The following DAB2IP variants were observed in gnomAD, a reference collection of about 807,000 sequenced individuals.
DAB2IP encodes the protein DAB2 interacting protein, also known as disabled homolog 2-interacting protein.
Under a neutral mutation model 107.2 loss-of-function variants are expected in DAB2IP, and 28 were observed. The ratio of observed to expected loss-of-function variants is 0.26; its 90% CI spans 0.19 to 0.36. The LOEUF is 0.36. DAB2IP is among the 10% of genes least tolerant of loss of function. The pLI, the probability that DAB2IP is intolerant of heterozygous loss-of-function variation, is 1.00. For missense variants in DAB2IP, 1,400 were observed against 1,644.7 expected (o/e 0.85, Z 2.57); for synonymous variants, 755 against 706.4 (o/e 1.07, Z -1.09).
chr9:121,590,680 T>C (rs916516654), intron 1 of DAB2IP, among the ~76,000 whole-genome samples: 6 of 152,142 alleles, frequency 3.9e-5, no homozygotes, highest in Non-Finnish European at 8.8e-5. Context: ...TAGACATTTC[T>C]GGCAACAAAC....
intron 3 of DAB2IP, among the ~76,000 whole-genome samples, chr9:121,725,013 G>C (rs1277806084): frequency 6.6e-6 from 1 of 152,190 alleles, no homozygotes; most frequent in Non-Finnish European, 1.5e-5. Flanking sequence ...TCTGAGGAGA[G>C]CACCCCCGGC....
chr9:121,688,546 CT>C (rs1405562981), intron 2 of DAB2IP, among the ~76,000 whole-genome samples: 5 of 152,336 alleles, frequency 3.3e-5, no homozygotes, highest in African/African-American at 1.2e-4. Flanking sequence ...CCCCATCTCT[CT>C]CTGTCTCCAG....
chr9:121,649,074 C>G (rs1309774861), upstream of DAB2IP, among the ~76,000 whole-genome samples: 2 of 152,156 alleles, frequency 1.3e-5, no homozygotes, highest in Admixed American at 1.3e-4. Flanking sequence ...TGGGCTCTTT[C>G]TCTCCTAGCT....
chr9:121,767,319 C>T (rs542735395), intron 9 of DAB2IP, among the ~76,000 whole-genome samples: 4 of 152,344 alleles, frequency 2.6e-5, no homozygotes, highest in South Asian at 4.1e-4. Flanking sequence ...TGGGCTCTGA[C>T]GGCACCAAGA....
chr9:121,601,907 C>CGT (rs1830695697), intron 1 of DAB2IP, among the ~76,000 whole-genome samples: 1 of 146,918 alleles, frequency 6.8e-6, no homozygotes, highest in Admixed American at 6.8e-5. Context: ...TGTGTGTGTG[C>CGT]GCGTGCGTGT....
chr9:121,774,502 G>A lies in DAB2IP; in HGVS notation c.3120+90G>A, dbSNP rs568693194. ...TCTCTCCCCCAGGTCCCCCAGCAAC[G>A]GGTGCTGCTGTCCTTGTGAAGGGCC... On this transcript the variant is annotated intron_variant, in intron 13 of 15. Coordinates refer to ENST00000408936, the Ensembl canonical transcript of DAB2IP. 2.0e-5 allele frequency: 28 copies of A among 1,408,170 alleles called. No homozygotes were observed. In the African/African-American group the frequency reaches 3.5e-4, roughly 17 times the overall value. The allele number at this position is 1,408,170 out of a possible 1,614,324, so 87.2% of individuals were successfully genotyped here.
chr9:121,594,620 A>G (rs925525689), intron 1 of DAB2IP, among the ~76,000 whole-genome samples: 1 of 152,042 alleles, frequency 6.6e-6, no homozygotes, highest in Non-Finnish European at 1.5e-5. Context: ...TCCTTTTGAC[A>G]GTTTGGAATG....
At chr9:121,703,519 C>T (rs531177214) in intron 3 of DAB2IP, among the ~76,000 whole-genome samples, 16 of 152,256 alleles carry the variant, frequency 1.1e-4, no homozygotes, top group African/African-American at 3.4e-4. Context: ...GGGCAAGTCA[C>T]GTAACCTTTT....
Position 121,664,601 on chromosome 9 carries a change from T to C in DAB2IP, c.124+12702T>C, listed in dbSNP as rs538025434. 2.0e-5 allele frequency among the ~76,000 whole-genome samples: 3 copies of C among 152,226 alleles called. No individual in the cohort carries two copies. In the South Asian group the frequency reaches 6.2e-4, roughly 31 times the overall value. On this transcript the variant is annotated intron_variant, in intron 1 of 15. Transcript: ENST00000408936. ...AGTTATTAGTCTCTTATGTGTTAAA[T>C]TTATTAAGTATATTTTGGTGCTCTT...
At chr9:121,643,597 G>C (rs1250480165) in intron 1 of DAB2IP, among the ~76,000 whole-genome samples, 3 of 151,938 alleles carry the variant, frequency 2.0e-5, no homozygotes, top group African/African-American at 7.2e-5. Flanking sequence ...TTCTCATGCT[G>C]TCTCTCCCTC....
chr9:121,632,063 C>T lies in DAB2IP; in HGVS notation c.41-46615C>T, dbSNP rs568293602. ...GGTCCTCGTGGGGAGAGACAGGGGC[C>T]GTCCCAGCCATGGAATGAGGTGGAA... On this transcript the variant is annotated intron_variant, in intron 1 of 16. Coordinates refer to the DAB2IP transcript ENST00000259371. 5.9e-5 allele frequency among the ~76,000 whole-genome samples: 9 copies of T among 152,198 alleles called. No individual in the cohort carries two copies. The East Asian group carries it at 7.8e-4, about 13-fold the overall frequency.
rs924161103 is a variant in DAB2IP at position 121,599,330 on chromosome 9, C to A, written c.40+32102C>A. Among the ~76,000 whole-genome samples, 9 of 152,254 alleles carry A rather than the reference C, an allele frequency of 5.9e-5. No individual in the cohort carries two copies. Among genetic ancestry groups the A allele is most frequent in the Admixed American group, 3.3e-4 (5 of 15,308 alleles). On this transcript the variant is annotated intron_variant, in intron 1 of 16. Coordinates refer to the DAB2IP transcript ENST00000259371. The surrounding 1 kb of genome is among the most constrained non-coding windows in gnomAD (Gnocchi z 6.9). ...CTCGGGCCGGCACCAGGCTGGGGAG[C>A]GTGTGCTCGGAGCGGAGGGCCTCGG...
In DAB2IP at chr9:121,602,568, A is replaced by ATTTGTTTTGTTTTGTTTTGT. The variant is rs60719164; in HGVS notation, c.40+35344_40+35363dup. On this transcript the variant is annotated intron_variant, in intron 1 of 16. Coordinates refer to the DAB2IP transcript ENST00000259371. ...GCCACCATGCTCAGCCAATTTTTAA[A>ATTTGTTTTGTTTTGTTTTGT]TTTGTTTTGTTTTGTTTTGTTTTTT... is the stretch of plus-strand genomic sequence containing the variant. 2.4e-4 allele frequency among the ~76,000 whole-genome samples: 36 copies of ATTTGTTTTGTTTTGTTTTGT among 150,440 alleles called. 1 individual carries two copies. Among genetic ancestry groups the ATTTGTTTTGTTTTGTTTTGT allele is most frequent in the African/African-American group, 8.1e-4 (33 of 40,820 alleles).
At chr9:121,637,140 G>A (rs985363389) in intron 1 of DAB2IP, among the ~76,000 whole-genome samples, 5 of 152,204 alleles carry the variant, frequency 3.3e-5, no homozygotes, top group Non-Finnish European at 7.3e-5. Flanking sequence ...TTTGCTTCCT[G>A]GAGGAGCCTA....
At chr9:121,641,992 C>CTCTCTCTCTCT (rs1346700067) in intron 1 of DAB2IP, among the ~76,000 whole-genome samples, 1 of 29,326 alleles carries the variant, frequency 3.4e-5, no homozygotes, top group Non-Finnish European at 5.6e-5. Context: ...TTCTTTCTTT[C>CTCTCTCTCTCT]CTTTCTCTCT....
chr9:121,613,470 G>A (rs970155514), intron 1 of DAB2IP, among the ~76,000 whole-genome samples: 1 of 152,206 alleles, frequency 6.6e-6, no homozygotes, highest in East Asian at 1.9e-4. Flanking sequence ...TCCAGTGCTA[G>A]GGCAGGAAGT....
At chr9:121,731,906 T>A (rs942343275) in intron 3 of DAB2IP, among the ~76,000 whole-genome samples, 3 of 152,146 alleles carry the variant, frequency 2.0e-5, no homozygotes, top group Non-Finnish European at 4.4e-5. Context: ...GCCTCGGACC[T>A]CGTGTAGACA....
intron 3 of DAB2IP, among the ~76,000 whole-genome samples, chr9:121,755,879 T>C (rs1341645399): frequency 6.6e-6 from 1 of 152,022 alleles, no homozygotes; most frequent in African/African-American, 2.4e-5. Flanking sequence ...TAGCCCAAGG[T>C]AGGGGTCTTG....
At chr9:121,758,092 G>C (rs956443195) in intron 4 of DAB2IP, among the ~76,000 whole-genome samples, 30 of 152,246 alleles carry the variant, frequency 2.0e-4, no homozygotes, top group African/African-American at 7.2e-4. Flanking sequence ...AGATGGCCCT[G>C]TCTGCTGGTT....
Sources: allele counts gnomAD v4.1 joint callset (sites outside exome capture counted in the v4.1 genomes callset), GRCh38; gene constraint gnomAD v4.1.1; non-coding constraint Gnocchi (gnomAD v3.1); transcripts MANE v1.5; gene names NCBI Gene and HGNC (gene_info 2026-07-23, HGNC 2026-07-21).